Variants in IDH3G observed in about 807,000 individuals in gnomAD.
IDH3G encodes the protein isocitrate dehydrogenase [NAD] subunit gamma, mitochondrial.
A neutral mutation model predicts 26.9 loss-of-function variants in IDH3G; 9 were observed. The ratio of observed to expected loss-of-function variants is 0.34; its 90% CI spans 0.20 to 0.58. IDH3G has a LOEUF of 0.58. Among genes scored for constraint, IDH3G ranks in the 20% least tolerant of loss-of-function variants. The pLI, the probability that IDH3G is intolerant of heterozygous loss-of-function variation, is 0.85. For missense variants in IDH3G, 250 were observed against 372.8 expected, an observed-to-expected ratio of 0.67 and a Z score of 2.71; for synonymous variants, 181 against 160.0, an observed-to-expected ratio of 1.13 and a Z score of -0.99.
intron 7 of IDH3G, 103 bp from the exon 8 acceptor site, chrX:153,787,700 CTA>C (rs2092094634): frequency 1.1e-5 from 12 of 1,132,887 alleles, no homozygotes; most frequent in Non-Finnish European, 1.4e-5. Flanking sequence ...CCCTGTCTGC[CTA>C]TTTCTGGCTT....
chrX:153,790,139 C>G (rs2092103905), intron 4 of IDH3G, 56 bp downstream of exon 4: 8 of 1,026,875 alleles, frequency 7.8e-6, no homozygotes, highest in Non-Finnish European at 1.1e-5. Flanking sequence ...CCTCTTGGCA[C>G]AAAGTCCTCA....
At chrX:153,791,672 G>GATGCCCTGCCACTTGACC (rs1321332547) in intron 1 of IDH3G, among the ~76,000 whole-genome samples, 3 of 112,529 alleles carry the variant, frequency 2.7e-5, no homozygotes, top group African/African-American at 9.7e-5. Flanking sequence ...GTCACTTGGG[G>GATGCCCTGCCACTTGACC]ATGCCCTGCC....
intron 8 of IDH3G, 88 bp from the exon 9 acceptor site, chrX:153,787,241 G>A: frequency 1.2e-6 from 1 of 807,409 alleles, no homozygotes; most frequent in Non-Finnish European, 1.8e-6. Flanking sequence ...CCAGGAGGCT[G>A]GGGTCTGAAT....
At chrX:153,788,723 C>T (rs4551520) in intron 5 of IDH3G, among the ~76,000 whole-genome samples, 9,005 of 113,012 alleles carry the variant, frequency 0.08, 388 homozygotes, top group Middle Eastern at 0.13. Context: ...CCACTCACAG[C>T]GCGGGGGTCC....
In IDH3G at chrX:153,786,205, A is replaced by G; in HGVS notation, c.1080+7T>C. ...GGCAGCAGGGTAGGGTGCGAGGGGA[A>G]CCTCACATTCTCATTGTCCATGGAT... On this transcript the variant is annotated splice_region_variant and intron_variant, in intron 12 of 12. Coordinates refer to ENST00000217901, the MANE Select transcript of IDH3G (RefSeq NM_004135.4). The G allele has an allele frequency of 7.4e-6, 9 of 1,208,459 alleles. No individual in the cohort carries two copies. Among genetic ancestry groups the G allele is most frequent in the Non-Finnish European group, 1.0e-5 (9 of 893,153 alleles).
At chrX:153,790,980 G>A in intron 1 of IDH3G, 129 bp from the exon 2 acceptor site, 1 of 548,446 alleles carries the variant, frequency 1.8e-6, no homozygotes, top group East Asian at 3.5e-5. Flanking sequence ...CACTGCCAGG[G>A]GCACAATAGA....
chrX:153,794,192 C>G (rs894385664), intron 1 of IDH3G, 54 bp downstream of exon 1: 4 of 1,123,095 alleles, frequency 3.6e-6, no homozygotes, highest in Non-Finnish European at 4.7e-6. Context: ...GTGCGGCTAC[C>G]CCACCGCTCC....
intron 6 of IDH3G, 43 bp downstream of exon 6, chrX:153,788,032 C>A: frequency 8.3e-7 from 1 of 1,210,519 alleles, no homozygotes; most frequent in East Asian, 3.0e-5. Flanking sequence ...GCTCACCCCA[C>A]CTTAGCCCCA....
In IDH3G at chrX:153,794,350, C is replaced by A; in HGVS notation, c.-24G>T. 1 of 1,182,542 alleles carries A rather than the reference C, an allele frequency of 8.5e-7. No homozygotes were observed. Among genetic ancestry groups the A allele is most frequent in the Non-Finnish European group, 1.1e-6 (1 of 881,342 alleles). On this transcript the variant is annotated 5_prime_UTR_variant, in exon 1 of 13. Coordinates refer to ENST00000217901, the MANE Select transcript of IDH3G (RefSeq NM_004135.4). ...ATGACGGAAAGTGAGAGCCTCCGCA[C>A]GTCCCGACACGCAGATACCGCTCTC... is the stretch of plus-strand genomic sequence containing the variant.
At chrX:153,790,626 C>G in intron 2 of IDH3G, 51 bp from the exon 3 acceptor site, 1 of 1,175,965 alleles carries the variant, frequency 8.5e-7, no homozygotes, top group South Asian at 1.8e-5. Flanking sequence ...GTTCCAAGAG[C>G]AAGGCCGTGA....
chrX:153,786,015 AC>A (rs782198097), intron 12 of IDH3G, 42 bp from the exon 13 acceptor site: 11 of 1,208,205 alleles, frequency 9.1e-6, no homozygotes, highest in Middle Eastern at 2.3e-4. Context: ...AGGCCCTGCC[AC>A]CCCCCGCTGT....
Position 153,787,164 on chromosome X carries a change from G to A in IDH3G, c.675-11C>T, listed in dbSNP as rs369540060. 12 of 1,169,764 alleles carry A rather than the reference G, an allele frequency of 1.0e-5. No individual in the cohort carries two copies. In the African/African-American group the frequency reaches 1.1e-4, roughly 10 times the overall value. On this transcript the variant is annotated splice_polypyrimidine_tract_variant and intron_variant, in intron 8 of 12. Transcript: ENST00000217901. ...CCATCGCCCAGTTTCCTGGTGGGGGGTTAGGAATAGGACACCAGCTTGGCC... is the reference window on the plus strand; with the variant it reads ...CCATCGCCCAGTTTCCTGGTGGGGGATTAGGAATAGGACACCAGCTTGGCC...
At chrX:153,790,502 T>G in intron 3 of IDH3G, 62 bp downstream of exon 3, 1 of 1,027,638 alleles carries the variant, frequency 9.7e-7, no homozygotes, top group African/African-American at 1.9e-5. Flanking sequence ...CCACCTGGAA[T>G]TTAGTTAACC....
chrX:153,791,076 C>T (rs2092107915), intron 1 of IDH3G: 2 of 366,860 alleles, frequency 5.5e-6, no homozygotes, highest in Non-Finnish European at 4.8e-6. Context: ...TGCCTCCTTC[C>T]GCTCTTCAGA....
intron 1 of IDH3G, chrX:153,791,277 C>T (rs1336223635): frequency 1.4e-5 from 2 of 138,334 alleles, no homozygotes; most frequent in Non-Finnish European, 2.8e-5. Flanking sequence ...TCGCCGATCA[C>T]TTTTTCTTAT....
At chrX:153,788,209 G>A (rs1557069685) in intron 5 of IDH3G, 74 bp from the exon 6 acceptor site, 10 of 1,025,126 alleles carry the variant, frequency 9.8e-6, no homozygotes, top group East Asian at 3.1e-5. Context: ...GAAGGCTGCC[G>A]GGGTCAGAAG....
chrX:153,791,150 C>T, intron 1 of IDH3G: 1 of 318,130 alleles, frequency 3.1e-6, no homozygotes, highest in Non-Finnish European at 5.5e-6. Flanking sequence ...ATTTTTTTGG[C>T]CAGTTATTCC....
Position 153,785,843 on chromosome X carries a change from G to A in IDH3G, c.*29C>T. The A allele has an allele frequency of 5.0e-6, 6 of 1,206,217 alleles. No homozygotes were observed. The highest frequency in any genetic ancestry group is 6.7e-6 in the Non-Finnish European group (6 of 891,460). On this transcript the variant is annotated 3_prime_UTR_variant, in exon 13 of 13. Coordinates refer to ENST00000217901, the MANE Select transcript of IDH3G (RefSeq NM_004135.4). ...GCTGGAGTGGGAAGGGGAATCCAAG[G>A]AGCAAACCAAGAAGGTCCTAGGGCC...
intron 1 of IDH3G, chrX:153,792,221 T>C (rs1344244387): frequency 9.0e-6 from 1 of 111,459 alleles, no homozygotes; most frequent in Non-Finnish European, 1.9e-5. Context: ...GGTCCAATAC[T>C]GTCACCCTAG....
Sources: gnomAD v4.1 joint callset for allele counts (sites outside exome capture counted in the v4.1 genomes callset) on GRCh38, gnomAD v4.1.1 for gene constraint, MANE v1.5 for transcripts, NCBI Gene and HGNC (gene_info 2026-07-23, HGNC 2026-07-21) for gene names.